Variants in DOCK1 observed in about 807,000 individuals in gnomAD.
DOCK1 encodes the protein dedicator of cytokinesis protein 1.
In DOCK1, 138 loss-of-function variants were observed where a neutral mutation model predicts 262.7. That is an observed-to-expected ratio of 0.53 (90% CI 0.46 to 0.61). DOCK1 has a LOEUF of 0.61. Ranked by LOEUF, DOCK1 falls within the 20% of genes least tolerant of loss-of-function variation. The probability of loss-of-function intolerance (pLI) is 0.00; values close to 1 mark genes in which losing one functional copy is unlikely to be tolerated. For missense variants in DOCK1, 1,908 were observed against 2,370.7 expected (o/e 0.80, Z 4.05); for synonymous variants, 866 against 867.4 (o/e 1.00, Z 0.03).
chr10:127,386,596 T>C (rs2066135138), intron 38 of DOCK1, among the ~76,000 whole-genome samples: 1 of 151,050 alleles, frequency 6.6e-6, no homozygotes, highest in Non-Finnish European at 1.5e-5. Flanking sequence ...TCTGTCACTG[T>C]CTCCCATCTT....
At chr10:127,061,876 C>A in intron 23 of DOCK1, 100 bp downstream of exon 23, 3 of 756,722 alleles carry the variant, frequency 4.0e-6, no homozygotes, top group Non-Finnish European at 6.0e-6. Flanking sequence ...TAACTTGCCC[C>A]AAATACCATA....
At chr10:127,386,920 G>C (rs1454270191) in intron 38 of DOCK1, among the ~76,000 whole-genome samples, 2 of 152,178 alleles carry the variant, frequency 1.3e-5, no homozygotes, top group African/African-American at 4.8e-5. Context: ...AACTGTACTA[G>C]GTTAGCCAGG....
intron 1 of DOCK1, among the ~76,000 whole-genome samples, chr10:126,961,623 G>A (rs1032975394): frequency 0.024 from 3,668 of 152,270 alleles, 157 homozygotes; most frequent in African/African-American, 0.085. Context: ...ATTTCATGCA[G>A]CATAATATCT....
At chr10:127,406,676 T>C (rs1480265348) in intron 40 of DOCK1, among the ~76,000 whole-genome samples, 1 of 152,218 alleles carries the variant, frequency 6.6e-6, no homozygotes, top group African/African-American at 2.4e-5. Context: ...CATGTTGATA[T>C]TTATAGACCT....
At chr10:127,126,098 T>TC (rs1447980373) in intron 26 of DOCK1, among the ~76,000 whole-genome samples, 2 of 151,434 alleles carry the variant, frequency 1.3e-5, no homozygotes, top group African/African-American at 4.9e-5. Context: ...TTTTTTTTTT[T>TC]TTCTTTTTTC....
At chr10:127,307,887 C>G (rs1001437273) in intron 29 of DOCK1, among the ~76,000 whole-genome samples, 1 of 152,222 alleles carries the variant, frequency 6.6e-6, no homozygotes, top group Non-Finnish European at 1.5e-5. Flanking sequence ...CTGGAATTGT[C>G]ACAATGCAGA....
In DOCK1 at chr10:127,299,992, T is replaced by C. The variant is rs539347975; in HGVS notation, c.3045-39014T>C. Among the ~76,000 whole-genome samples the C allele has an allele frequency of 6.6e-5, 10 of 152,344 alleles. No homozygotes were observed. The East Asian group carries it at 1.5e-3, about 23-fold the overall frequency. On this transcript the variant is annotated intron_variant, in intron 29 of 51. Transcript: ENST00000623213. ...CTCAGAGCATCCGGCCATTGAGAAC[T>C]GACTCCGTTTCTCCAAATTCAGCCT...
intron 29 of DOCK1, among the ~76,000 whole-genome samples, chr10:127,288,174 C>T (rs1223904293): frequency 6.6e-6 from 1 of 152,098 alleles, no homozygotes; most frequent in South Asian, 2.1e-4. Flanking sequence ...AGTTATGATT[C>T]TTTTTGCTGA....
At chr10:127,436,631 TTC>T (rs1491334135) in intron 48 of DOCK1, among the ~76,000 whole-genome samples, 20 of 132,328 alleles carry the variant, frequency 1.5e-4, no homozygotes, top group South Asian at 1.5e-3. Context: ...ATCTTTTTTT[TTC>T]AATCTGTATC....
chr10:127,008,666 G>T, intron 10 of DOCK1, 66 bp from the exon 11 acceptor site: 3 of 1,334,604 alleles, frequency 2.2e-6, no homozygotes, highest in Non-Finnish European at 3.2e-6. Context: ...ATGTTCCTTT[G>T]TTTGTTTGTG....
chr10:127,193,966 A>G (rs2056925746), intron 27 of DOCK1, among the ~76,000 whole-genome samples: 1 of 152,182 alleles, frequency 6.6e-6, no homozygotes, highest in African/African-American at 2.4e-5. Context: ...CTGTTTCTTA[A>G]TAGGATAAAG....
At chr10:127,254,893 G>A (rs1192848490) in intron 28 of DOCK1, among the ~76,000 whole-genome samples, 2 of 152,168 alleles carry the variant, frequency 1.3e-5, no homozygotes, top group African/African-American at 2.4e-5. Context: ...GTGAAGCATG[G>A]GGACAAGAAA....
At chr10:127,379,763 G>T (rs1266849153) in intron 35 of DOCK1, among the ~76,000 whole-genome samples, 1 of 152,126 alleles carries the variant, frequency 6.6e-6, no homozygotes, top group African/African-American at 2.4e-5. Flanking sequence ...GATTACTATG[G>T]CTAAGATATC....
chr10:127,313,841 G>C (rs923319627), intron 29 of DOCK1, among the ~76,000 whole-genome samples: 6 of 152,140 alleles, frequency 3.9e-5, no homozygotes, highest in African/African-American at 1.2e-4. Flanking sequence ...GGGACTCCAA[G>C]AACTCTTGGC....
intron 27 of DOCK1, among the ~76,000 whole-genome samples, chr10:127,132,157 A>G (rs1285491706): frequency 2.0e-5 from 3 of 152,210 alleles, no homozygotes; most frequent in Non-Finnish European, 4.4e-5. Context: ...GGGATATGCA[A>G]TATAAGGCTT....
chr10:127,061,393 T>G (rs1289748234), intron 22 of DOCK1, among the ~76,000 whole-genome samples: 4 of 152,210 alleles, frequency 2.6e-5, no homozygotes, highest in African/African-American at 9.6e-5. Flanking sequence ...ATTTTCTGTG[T>G]TTTTCAGATT....
intron 10 of DOCK1, among the ~76,000 whole-genome samples, chr10:127,003,256 C>T (rs2040733721): frequency 6.6e-6 from 1 of 151,660 alleles, no homozygotes. Context: ...CCACGTGAAC[C>T]TTTTTGAACC....
intron 24 of DOCK1, among the ~76,000 whole-genome samples, chr10:127,108,742 T>C (rs1055550340): frequency 1.8e-4 from 27 of 152,316 alleles, no homozygotes; most frequent in African/African-American, 6.3e-4. Flanking sequence ...GCAGCAACAA[T>C]AGACGCAGCA....
At chr10:127,259,171 GC>G (rs778342798) in intron 29 of DOCK1, among the ~76,000 whole-genome samples, 9 of 152,200 alleles carry the variant, frequency 5.9e-5, no homozygotes, top group Non-Finnish European at 1.2e-4. Flanking sequence ...TGTAGCCTTA[GC>G]TCTGGCCCGG....
Sources: allele counts gnomAD v4.1 joint callset (sites outside exome capture counted in the v4.1 genomes callset), GRCh38; gene constraint gnomAD v4.1.1; transcripts MANE v1.5; gene names NCBI Gene and HGNC (gene_info 2026-07-23, HGNC 2026-07-21).